SMTN: variants seen among roughly 807,000 people sequenced by gnomAD.
The protein encoded by SMTN is smoothelin.
SMTN carries 58 observed loss-of-function variants against 102.0 expected under a neutral mutation model. The ratio of observed to expected loss-of-function variants is 0.57; its 90% CI spans 0.46 to 0.71. SMTN has a LOEUF of 0.71. Among genes scored for constraint, SMTN ranks in the 30% least tolerant of loss-of-function variants. SMTN has a pLI of 0.00. For missense variants in SMTN, 1,185 were observed against 1,241.7 expected, an observed-to-expected ratio of 0.95 and a Z score of 0.69; for synonymous variants, 478 against 497.9, an observed-to-expected ratio of 0.96 and a Z score of 0.53.
chr22:31,097,910 G>T (rs533423967), intron 16 of SMTN, among the ~76,000 whole-genome samples: 3 of 152,202 alleles, frequency 2.0e-5, no homozygotes, highest in African/African-American at 4.8e-5. Context: ...TTGCTTAGGG[G>T]CTCACATCTC....
intron 2 of SMTN, among the ~76,000 whole-genome samples, chr22:31,085,496 T>C (rs1221142942): frequency 1.3e-5 from 2 of 152,104 alleles, no homozygotes; most frequent in Non-Finnish European, 2.9e-5. Context: ...CTGCCAGGCG[T>C]TCCCAACAGC....
intron 11 of SMTN, 93 bp downstream of exon 11, chr22:31,091,940 C>T (rs1007335899): frequency 2.7e-5 from 32 of 1,190,384 alleles, no homozygotes; most frequent in African/African-American, 4.6e-5. Context: ...TCTGCTCCTC[C>T]CCTACTGCAC....
Position 31,091,086 on chromosome 22 carries a change from G to T in SMTN, c.1063G>T (p.Ala355Ser). 1 of 1,613,980 alleles carries T rather than the reference G, an allele frequency of 6.2e-7. No homozygotes were observed. Among genetic ancestry groups the T allele is most frequent in the Non-Finnish European group, 8.5e-7 (1 of 1,179,964 alleles). ...ARLQDGTPQA[A>S]LSPLTPARLL... ...GCTCCAGGATGGCACACCCCAGGCT[G>T]CCCTAAGTCCCCTGACCCCCGCAAG... Residue 355 changes from alanine (A) to serine (S), a missense_variant, in exon 10 of 21, where the codon GCC becomes TCC. Around this residue, in one of 2 missense-constraint regions of SMTN, gnomAD observed 1,096 missense variants for 1,112.7 expected, o/e 0.98. Coordinates refer to ENST00000333137, the MANE Select transcript of SMTN (RefSeq NM_134269.3).
At position 31,083,192 on chromosome 22, in the gene SMTN, G is replaced by T. The variant is rs189067062; in HGVS notation, c.-67G>T. 1 of 1,576,092 alleles carries T rather than the reference G, an allele frequency of 6.3e-7. No individual in the cohort carries two copies. The highest frequency in any genetic ancestry group is 2.3e-5 in the East Asian group (1 of 43,806). On this transcript the variant is annotated 5_prime_UTR_variant, in exon 2 of 21. Coordinates refer to ENST00000333137, the MANE Select transcript of SMTN (RefSeq NM_134269.3). Reference sequence around the variant, plus strand: ...TGTCCCCTGCAGAATTCTCTGAGCTGGTGACAGGTGCCACAGGCACTGGGG... The same window carrying T: ...TGTCCCCTGCAGAATTCTCTGAGCTTGTGACAGGTGCCACAGGCACTGGGG...
intron 8 of SMTN, 43 bp downstream of exon 8, chr22:31,090,223 C>G (rs779988006): frequency 2.3e-5 from 34 of 1,479,708 alleles, no homozygotes; most frequent in Non-Finnish European, 3.0e-5. Flanking sequence ...CTTTCTTCCC[C>G]TCCCCCTGCC....
chr22:31,091,805 C>A lies in SMTN; in HGVS notation c.1590C>A (p.Phe530Leu). Residue 530 changes from phenylalanine (F) to leucine (L), a missense_variant, in exon 11 of 21, where the codon TTC becomes TTA. Phe to Leu is a conservative substitution (Grantham distance 22, BLOSUM62 0). Coordinates refer to ENST00000333137, the MANE Select transcript of SMTN (RefSeq NM_134269.3). ...GCAGTGTCACTCATGTCACCAGCTT[C>A]AGCCATGCCCCCCCCAGTAGCCGAG... ...RLGSVTHVTSFSHAPPSSRGG... is the reference protein window; with the variant it reads ...RLGSVTHVTSLSHAPPSSRGG... The A allele has an allele frequency of 6.2e-7, 1 of 1,605,860 alleles. No individual in the cohort carries two copies. Among genetic ancestry groups the A allele is most frequent in the Non-Finnish European group, 8.5e-7 (1 of 1,175,812 alleles).
In SMTN at chr22:31,091,770, G is replaced by T. The variant is rs2043152934; in HGVS notation, c.1555G>T (p.Ala519Ser). The change falls in exon 11 of 21, where the codon GCT becomes TCT. Residue 519 changes from alanine (A) to serine (S), a missense_variant. By Grantham distance (99) the Ala-to-Ser change is moderately conservative. Coordinates refer to ENST00000333137, the MANE Select transcript of SMTN (RefSeq NM_134269.3). ...CCGTGTCAACAGCCCTGGGACCCTG[G>T]CTCGGCTGGGCAGTGTCACTCATGT... ...ITRVNSPGTL[A>S]RLGSVTHVTS... The T allele has an allele frequency of 3.1e-6, 5 of 1,610,814 alleles. No homozygotes were observed. In the South Asian group the frequency reaches 4.4e-5, roughly 14 times the overall value.
intron 20 of SMTN, chr22:31,101,418 G>A (rs927346882): frequency 5.1e-6 from 1 of 197,144 alleles, no homozygotes; most frequent in Non-Finnish European, 1.1e-5. Flanking sequence ...GGGCAAGAGA[G>A]CTGGAGAGCA....
intron 13 of SMTN, chr22:31,096,515 T>C: frequency 2.1e-6 from 1 of 469,502 alleles, no homozygotes; most frequent in Middle Eastern, 5.4e-4. Flanking sequence ...CTCTAGTTTC[T>C]GCCTGAGTCC....
chr22:31,073,011 C>CTCTTTTT (rs1257016915), intron 1 of SMTN, among the ~76,000 whole-genome samples: 66 of 85,664 alleles, frequency 7.7e-4, no homozygotes, highest in Non-Finnish European at 1.2e-3. Context: ...CTCTCTCTCT[C>CTCTTTTT]TTTTTTTTTT....
rs776847189 is a variant in SMTN at position 31,091,063 on chromosome 22, T to G, written c.1040T>G (p.Leu347Arg). 18 of 1,613,786 alleles carry G rather than the reference T, an allele frequency of 1.1e-5. No individual in the cohort carries two copies. The highest frequency in any genetic ancestry group is 1.4e-5 in the Non-Finnish European group (17 of 1,179,912). The change falls in exon 10 of 21, where the codon CTC becomes CGC. Residue 347 changes from leucine (L) to arginine (R), a missense_variant. Physicochemically the swap from Leu to Arg is moderately radical, Grantham distance 102. This residue lies in a region of SMTN where 1,096 missense variants were observed against 1,112.7 expected (regional missense o/e 0.98). Coordinates refer to ENST00000333137, the MANE Select transcript of SMTN (RefSeq NM_134269.3). ...FTSDSPMAAR[L>R]QDGTPQAALS... is the part of the protein sequence containing the mutation. The stretch of plus-strand genomic sequence containing the variant: ...TCTGATTCTCCTATGGCTGCTAGGC[T>G]CCAGGATGGCACACCCCAGGCTGCC...
In SMTN at chr22:31,097,011, G is replaced by A; in HGVS notation, c.2040G>A (p.Arg680=). Residue 680 remains arginine (R), a synonymous_variant, in exon 15 of 21, where the codon CGG becomes CGA. Coordinates refer to ENST00000333137, the MANE Select transcript of SMTN (RefSeq NM_134269.3). Reference sequence around the variant, plus strand: ...CTGCCCCTGCAGATGATGGCACACGGACGGCCCGCACCACCACAGTGGAGT... The same window carrying A: ...CTGCCCCTGCAGATGATGGCACACGAACGGCCCGCACCACCACAGTGGAGT... ...ERLVHSNDGT[R]TARTTTVESS... 6.2e-7 allele frequency: 1 copy of A among 1,614,194 alleles called. No individual in the cohort carries two copies. Among genetic ancestry groups the A allele is most frequent in the Non-Finnish European group, 8.5e-7 (1 of 1,180,028 alleles).
At position 31,096,877 on chromosome 22, in the gene SMTN, C is replaced by G; in HGVS notation, c.2006C>G (p.Thr669Ser). The change falls in exon 14 of 21, where the codon ACT (threonine) becomes AGT (serine). Residue 669 changes from threonine (T) to serine (S), a missense_variant. Transcript: ENST00000333137. The part of the protein sequence containing the change: ...DGSAVSTVTK[T>S]ERLVHSNDGT... ...TCTGCTGTCAGCACTGTTACCAAGA[C>G]TGAGCGGCTCGTCCACTCCAGTAAG... 6.3e-7 allele frequency: 1 copy of G among 1,585,976 alleles called. No homozygotes were observed. The highest frequency in any genetic ancestry group is 8.6e-7 in the Non-Finnish European group (1 of 1,164,096).
At chr22:31,096,710 T>C in intron 13 of SMTN, 23 bp from the exon 14 acceptor site, 15 of 1,516,456 alleles carry the variant, frequency 9.9e-6, no homozygotes, top group Non-Finnish European at 1.3e-5. Context: ...CTTTTGCGCA[T>C]GCATGGGGCA....
intron 1 of SMTN, chr22:31,068,116 C>G (rs2041905120): frequency 6.6e-6 from 1 of 152,036 alleles, no homozygotes; most frequent in African/African-American, 2.4e-5. Context: ...ACCAACGGGC[C>G]AATATGGTGA....
At chr22:31,070,084 G>A (rs902843650) in intron 1 of SMTN, among the ~76,000 whole-genome samples, 5 of 152,094 alleles carry the variant, frequency 3.3e-5, no homozygotes, top group African/African-American at 1.2e-4. Context: ...ATCCAGGTGT[G>A]GGGTAGTGAG....
chr22:31,086,005 T>C (rs2042672074), intron 2 of SMTN, among the ~76,000 whole-genome samples: 2 of 152,344 alleles, frequency 1.3e-5, no homozygotes, highest in Non-Finnish European at 2.9e-5. Flanking sequence ...CTTGCCCCTC[T>C]GGGCCTCTTT....
chr22:31,078,529 C>T (rs55830971), upstream of SMTN, among the ~76,000 whole-genome samples: 12,968 of 152,250 alleles, frequency 0.085, 1,841 homozygotes, highest in African/African-American at 0.3. Flanking sequence ...GCCCAGGCCT[C>T]TCTGGTGCCC....
At chr22:31,088,140 G>T (rs1308219591) in intron 3 of SMTN, 27 bp downstream of exon 3, 8 of 1,566,894 alleles carry the variant, frequency 5.1e-6, no homozygotes, top group Non-Finnish European at 7.0e-6. Flanking sequence ...GGAACATGCG[G>T]GTGAGAAGGT....
Sources: allele counts gnomAD v4.1 joint callset (sites outside exome capture counted in the v4.1 genomes callset), GRCh38; gene constraint gnomAD v4.1.1; regional missense constraint gnomAD v4.1.1; transcripts MANE v1.5; gene names NCBI Gene and HGNC (gene_info 2026-07-23, HGNC 2026-07-21).